Variants in CRTAC1 observed in about 807,000 individuals in gnomAD.
The protein encoded by CRTAC1 is acidic secreted protein in cartilage.
In CRTAC1, 37 loss-of-function variants were observed where a neutral mutation model predicts 67.8. The ratio of observed to expected loss-of-function variants is 0.55; its 90% CI spans 0.42 to 0.72. CRTAC1 has a LOEUF of 0.72. CRTAC1 is among the 30% of genes least tolerant of loss of function. The pLI is 0.00. For missense variants in CRTAC1, 780 were observed against 931.6 expected, an observed-to-expected ratio of 0.84 and a Z score of 2.12; for synonymous variants, 348 against 371.0, an observed-to-expected ratio of 0.94 and a Z score of 0.71.
At chr10:97,932,271 G>A (rs945236790) in intron 3 of CRTAC1, among the ~76,000 whole-genome samples, 2 of 152,172 alleles carry the variant, frequency 1.3e-5, no homozygotes, top group African/African-American at 2.4e-5. Context: ...GGACTAGAAC[G>A]GCTATTGTGT....
rs114275994 is a variant in CRTAC1, at chr10:97,928,013, G to A, written c.422-4613C>T. Among the ~76,000 whole-genome samples, 489 of 152,340 alleles carry A rather than the reference G, an allele frequency of 3.2e-3. 5 individuals are homozygous for A. The highest frequency in any genetic ancestry group is 0.011 in the African/African-American group (470 of 41,570). Reference sequence around the variant, plus strand: ...TGCTCGGGAAGAGGTGAGACTGTTAGGAGCAGGAGAGAGGTATTCTCTTGA... The same window carrying A: ...TGCTCGGGAAGAGGTGAGACTGTTAAGAGCAGGAGAGAGGTATTCTCTTGA... On this transcript the variant is annotated intron_variant, in intron 3 of 14. Coordinates refer to ENST00000370597, the MANE Select transcript of CRTAC1 (RefSeq NM_018058.7).
chr10:97,980,620 C>A (rs2051878862), intron 2 of CRTAC1, among the ~76,000 whole-genome samples: 1 of 152,188 alleles, frequency 6.6e-6, no homozygotes, highest in Non-Finnish European at 1.5e-5. Flanking sequence ...AGTCCAACCT[C>A]CTCATGCCAC....
chr10:97,900,602 C>G (rs375562341), intron 8 of CRTAC1, among the ~76,000 whole-genome samples: 79 of 126,620 alleles, frequency 6.2e-4, no homozygotes, highest in South Asian at 2.6e-3. Context: ...AGTGATTGGA[C>G]CCCGTAGCCC....
At chr10:97,886,632 A>T (rs979868120) in intron 11 of CRTAC1, among the ~76,000 whole-genome samples, 1 of 136,184 alleles carries the variant, frequency 7.3e-6, no homozygotes, top group Non-Finnish European at 1.5e-5. Context: ...CCAACTACAG[A>T]TTTTTTTTTC....
chr10:97,991,212 G>A (rs1842449363), intron 2 of CRTAC1, among the ~76,000 whole-genome samples: 1 of 150,492 alleles, frequency 6.6e-6, no homozygotes, highest in Non-Finnish European at 1.5e-5. Context: ...GAGGCCAGCA[G>A]CCTGGGTAAC....
intron 14 of CRTAC1, chr10:97,870,526 C>T (rs182503975): frequency 1.3e-5 from 2 of 152,150 alleles, no homozygotes; most frequent in African/African-American, 2.4e-5. Context: ...GCCAGTTACA[C>T]GGGGTGCTCA....
intron 1 of CRTAC1, among the ~76,000 whole-genome samples, chr10:98,012,893 T>C (rs79023836): frequency 0.013 from 1,962 of 152,310 alleles, 51 homozygotes; most frequent in African/African-American, 0.042. Context: ...GATGTCTGAA[T>C]GAGACAGCAT....
intron 13 of CRTAC1, among the ~76,000 whole-genome samples, chr10:97,881,101 A>G (rs1355652068): frequency 6.6e-6 from 1 of 151,912 alleles, no homozygotes; most frequent in Non-Finnish European, 1.5e-5. Flanking sequence ...CTTCCCTCCA[A>G]TCCACTCTGC....
chr10:97,934,125 G>A (rs534965642), intron 3 of CRTAC1, among the ~76,000 whole-genome samples: 15 of 152,202 alleles, frequency 9.9e-5, no homozygotes, highest in Non-Finnish European at 2.2e-4. Flanking sequence ...TCTGCCTGCT[G>A]AGCCCAAACT....
At chr10:97,941,693 A>C (rs372142082) in intron 2 of CRTAC1, among the ~76,000 whole-genome samples, 2 of 152,142 alleles carry the variant, frequency 1.3e-5, no homozygotes, top group Non-Finnish European at 2.9e-5. Flanking sequence ...ATGTTTCACA[A>C]ATCCTTTTTC....
chr10:97,912,413 C>T (rs2050699823), intron 5 of CRTAC1, among the ~76,000 whole-genome samples: 1 of 152,168 alleles, frequency 6.6e-6, no homozygotes, highest in African/African-American at 2.4e-5. Context: ...GTCCCCATTT[C>T]CCCTAGCCAC....
chr10:97,934,445 G>A (rs1212633993), intron 3 of CRTAC1, among the ~76,000 whole-genome samples: 1 of 152,172 alleles, frequency 6.6e-6, no homozygotes, highest in Non-Finnish European at 1.5e-5. Flanking sequence ...GGCTACACAA[G>A]GCTGGCTGCC....
intron 2 of CRTAC1, among the ~76,000 whole-genome samples, chr10:97,941,924 C>T (rs548831480): frequency 1.3e-5 from 2 of 152,320 alleles, no homozygotes; most frequent in African/African-American, 4.8e-5. Flanking sequence ...GTCTGCTCCC[C>T]TACCTCACTG....
chr10:97,963,580 T>C (rs914283047), intron 2 of CRTAC1, among the ~76,000 whole-genome samples: 2 of 152,198 alleles, frequency 1.3e-5, no homozygotes, highest in Non-Finnish European at 2.9e-5. Context: ...AATAAATGTT[T>C]ATTGACTGAC....
intron 11 of CRTAC1, among the ~76,000 whole-genome samples, chr10:97,888,326 A>G (rs929552235): frequency 6.6e-6 from 1 of 152,176 alleles, no homozygotes; most frequent in Non-Finnish European, 1.5e-5. Context: ...AGGAGGAGTA[A>G]GAGTTTGTGA....
intron 3 of CRTAC1, among the ~76,000 whole-genome samples, chr10:97,927,411 C>T (rs570897044): frequency 6.6e-6 from 1 of 152,324 alleles, no homozygotes; most frequent in South Asian, 2.1e-4. Context: ...TTTTATTTAA[C>T]CCAGCCTTTC....
chr10:98,022,342 C>T (rs1843141418), intron 1 of CRTAC1, among the ~76,000 whole-genome samples: 1 of 145,384 alleles, frequency 6.9e-6, no homozygotes, highest in Non-Finnish European at 1.5e-5. Context: ...GCAACAAGAG[C>T]AAAACTCCTT....
intron 6 of CRTAC1, among the ~76,000 whole-genome samples, chr10:97,905,567 G>T (rs111897630): frequency 0.074 from 11,256 of 152,236 alleles, 457 homozygotes; most frequent in South Asian, 0.12. Context: ...TGGTTGACTT[G>T]TTAGGGTCCG....
chr10:97,913,867 C>T (rs1474632342), intron 5 of CRTAC1, among the ~76,000 whole-genome samples: 2 of 152,206 alleles, frequency 1.3e-5, no homozygotes, highest in African/African-American at 4.8e-5. Flanking sequence ...TGGTGAGGAT[C>T]TGCCAGAAGG....
Sources: gnomAD v4.1 joint callset for allele counts (sites outside exome capture counted in the v4.1 genomes callset) on GRCh38, gnomAD v4.1.1 for gene constraint, MANE v1.5 for transcripts, NCBI Gene and HGNC (gene_info 2026-07-23, HGNC 2026-07-21) for gene names.